The following ABLIM1 variants were observed in gnomAD, a reference collection of about 807,000 sequenced individuals.
The protein encoded by ABLIM1 is actin binding LIM protein 1.
In ABLIM1, 40 loss-of-function variants were observed where a neutral mutation model predicts 107.0. The ratio of observed to expected loss-of-function variants is 0.37; its 90% CI spans 0.29 to 0.49. The LOEUF (loss-of-function observed/expected upper bound fraction) is 0.49. Ranked by LOEUF, ABLIM1 falls within the 20% of genes least tolerant of loss-of-function variation. ABLIM1 has a pLI of 0.97. For synonymous variants in ABLIM1, 357 were observed against 357.3 expected, an observed-to-expected ratio of 1.00 and a Z score of 0.01; for missense variants, 857 against 1,008.5, an observed-to-expected ratio of 0.85 and a Z score of 2.04.
chr10:114,580,614 TAA>T (rs2073250956), intron 2 of ABLIM1, among the ~76,000 whole-genome samples: 3 of 152,230 alleles, frequency 2.0e-5, no homozygotes, highest in Admixed American at 1.3e-4. Context: ...CAGATTTGTA[TAA>T]GAGTCCTATA....
intron 6 of ABLIM1, among the ~76,000 whole-genome samples, chr10:114,522,140 G>A (rs1259099022): frequency 6.6e-6 from 1 of 152,156 alleles, no homozygotes; most frequent in South Asian, 2.1e-4. Context: ...GAAGATGTAG[G>A]TAATCAGAAA....
At chr10:114,691,391 A>C (rs547041212) in intron 1 of ABLIM1, among the ~76,000 whole-genome samples, 1 of 152,326 alleles carries the variant, frequency 6.6e-6, no homozygotes, top group South Asian at 2.1e-4. Context: ...CAGTTTTTAC[A>C]TTTGCATACA....
At chr10:114,725,449 C>A (rs1203867810) in intron 1 of ABLIM1, among the ~76,000 whole-genome samples, 1 of 152,036 alleles carries the variant, frequency 6.6e-6, no homozygotes, top group African/African-American at 2.4e-5. Context: ...CCTGTATGTG[C>A]CAATGTGACA....
chr10:114,758,086 A>G (rs931803983), intron 1 of ABLIM1, among the ~76,000 whole-genome samples: 1 of 152,046 alleles, frequency 6.6e-6, no homozygotes, highest in Non-Finnish European at 1.5e-5. Flanking sequence ...GCCTTCCATT[A>G]TCGCCCCATA....
chr10:114,528,644 G>A (rs1190438989), intron 6 of ABLIM1, among the ~76,000 whole-genome samples: 1 of 152,214 alleles, frequency 6.6e-6, no homozygotes, highest in Non-Finnish European at 1.5e-5. Context: ...GGGCAGGGCT[G>A]CATGTTCACA....
chr10:114,497,071 T>C (rs1372249481), intron 6 of ABLIM1, among the ~76,000 whole-genome samples: 11 of 152,232 alleles, frequency 7.2e-5, no homozygotes, highest in Non-Finnish European at 1.6e-4. Context: ...GAGTTATTTT[T>C]AGGAGAAGGA....
intron 8 of ABLIM1, among the ~76,000 whole-genome samples, chr10:114,476,103 G>T (rs1347305102): frequency 1.3e-5 from 2 of 152,198 alleles, no homozygotes; most frequent in East Asian, 3.9e-4. Context: ...CTGGAAGACT[G>T]TGATCAGTCT....
chr10:114,581,894 A>C (rs1414673313), intron 2 of ABLIM1, among the ~76,000 whole-genome samples: 1 of 152,142 alleles, frequency 6.6e-6, no homozygotes, highest in African/African-American at 2.4e-5. Context: ...AGAGTTGTCT[A>C]AGACAAACTC....
intron 6 of ABLIM1, among the ~76,000 whole-genome samples, chr10:114,517,759 C>T (rs1046576391): frequency 6.6e-6 from 1 of 152,112 alleles, no homozygotes; most frequent in African/African-American, 2.4e-5. Flanking sequence ...TGTCTGAAAC[C>T]TTCCTCATCA....
chr10:114,717,390 C>G (rs979147253), intron 1 of ABLIM1, among the ~76,000 whole-genome samples: 6 of 152,148 alleles, frequency 3.9e-5, no homozygotes, highest in Admixed American at 1.3e-4. Flanking sequence ...AACCTGTCAG[C>G]TAGGATTCTT....
intron 6 of ABLIM1, among the ~76,000 whole-genome samples, chr10:114,509,894 C>A (rs1017201921): frequency 1.3e-5 from 2 of 152,204 alleles, no homozygotes. Flanking sequence ...GGAGGCCTCA[C>A]AATCATGGCG....
chr10:114,780,119 C>T, the ABLIM1 span, among the ~76,000 whole-genome samples: 1 of 152,278 alleles, frequency 6.6e-6, no homozygotes, highest in East Asian at 1.9e-4. Flanking sequence ...CACACCCTAA[C>T]ATGCCAAGGA....
At chr10:114,448,447 T>C (rs1024316477) in intron 14 of ABLIM1, among the ~76,000 whole-genome samples, 1 of 152,150 alleles carries the variant, frequency 6.6e-6, no homozygotes, top group South Asian at 2.1e-4. Context: ...AAAGTTCCAG[T>C]GGACAACACT....
At chr10:114,660,021 T>A (rs1183514596), upstream of ABLIM1, among the ~76,000 whole-genome samples, 1 of 152,198 alleles carries the variant, frequency 6.6e-6, no homozygotes, top group Non-Finnish European at 1.5e-5. Context: ...TATGCCAATG[T>A]GAAGCACGGT....
exon 1 of ABLIM1, chr10:114,684,816 G>A (rs2080891072): frequency 1.3e-6 from 1 of 773,008 alleles, no homozygotes; most frequent in Non-Finnish European, 1.6e-6. Context: ...GAAAAGGATC[G>A]ATTATTCCCC....
chr10:114,586,290 G>A (rs2074185887), intron 2 of ABLIM1, among the ~76,000 whole-genome samples: 1 of 152,102 alleles, frequency 6.6e-6, no homozygotes, highest in African/African-American at 2.4e-5. Context: ...TATAGCGCTG[G>A]GCTATGCTCT....
At chr10:114,487,583 T>A (rs2058370074) in intron 8 of ABLIM1, among the ~76,000 whole-genome samples, 1 of 152,204 alleles carries the variant, frequency 6.6e-6, no homozygotes, top group South Asian at 2.1e-4. Context: ...AATGTAGAGC[T>A]GGGGTCAGAG....
intron 6 of ABLIM1, among the ~76,000 whole-genome samples, chr10:114,503,534 A>T (rs1265488620): frequency 6.6e-6 from 1 of 152,154 alleles, no homozygotes; most frequent in African/African-American, 2.4e-5. Context: ...AATTATATAC[A>T]TATTTCAGTT....
At chr10:114,451,346 G>A (rs1454246730) in intron 14 of ABLIM1, among the ~76,000 whole-genome samples, 1 of 152,214 alleles carries the variant, frequency 6.6e-6, no homozygotes, top group African/African-American at 2.4e-5. Context: ...TTTGTGAGTT[G>A]CTGTGTGACC....
Sources: allele counts gnomAD v4.1 joint callset (sites outside exome capture counted in the v4.1 genomes callset), GRCh38; gene constraint gnomAD v4.1.1; transcripts MANE v1.5; gene names NCBI Gene and HGNC (gene_info 2026-07-23, HGNC 2026-07-21).